Variants in DERA observed in about 807,000 individuals in gnomAD.
The protein encoded by DERA is 2-deoxy-D-ribose 5-phosphate aldolase.
Under a neutral mutation model 41.1 loss-of-function variants are expected in DERA, and 15 were observed. The observed-to-expected ratio is 0.37, with a 90% CI of 0.24 to 0.56. DERA has a LOEUF of 0.56. Among genes scored for constraint, DERA ranks in the 20% least tolerant of loss-of-function variants. The pLI is 0.81. For missense variants in DERA, 396 were observed against 403.4 expected (o/e 0.98, Z 0.16); for synonymous variants, 139 against 137.4 (o/e 1.01, Z -0.08).
chr12:15,939,889 A>G (rs962985032), intron 1 of DERA, among the ~76,000 whole-genome samples: 2 of 152,246 alleles, frequency 1.3e-5, no homozygotes, highest in Admixed American at 6.5e-5. Flanking sequence ...TATTCTGTGT[A>G]TAAATAAAAT....
chr12:15,955,067 A>G (rs142867597), intron 1 of DERA, among the ~76,000 whole-genome samples: 152 of 152,098 alleles, frequency 1.0e-3, no homozygotes, highest in Non-Finnish European at 2.0e-3. Context: ...TAGGAGGGCG[A>G]GGCAGGTAGA....
Position 15,940,506 on chromosome 12 carries a change from C to A in DERA, c.32-16430C>A, listed in dbSNP as rs887075678. Among the ~76,000 whole-genome samples, 6 of 152,110 alleles carry A rather than the reference C, an allele frequency of 3.9e-5. No individual in the cohort carries two copies. The highest frequency in any genetic ancestry group is 5.9e-5 in the Non-Finnish European group (4 of 68,024). ...AGCTGGGACTACAGGCGCATGCCAC[C>A]ACACCTGGCTGATTTTTTGTATTTG... On this transcript the variant is annotated intron_variant, in intron 1 of 8. Transcript: ENST00000428559. The surrounding 1 kb of genome is among the most constrained non-coding windows in gnomAD (Gnocchi z 5.1).
In DERA at chr12:15,911,483, C is replaced by T. The variant is rs1345708592; in HGVS notation, c.31+69C>T. The T allele has an allele frequency of 4.3e-5, 58 of 1,362,646 alleles. No homozygotes were observed. The highest frequency in any genetic ancestry group is 5.1e-5 in the Non-Finnish European group (53 of 1,040,892). The allele number at this position is 1,362,646 out of a possible 1,614,324, so 84.4% of individuals were successfully genotyped here. On this transcript the variant is annotated intron_variant, in intron 1 of 8. Transcript: ENST00000428559. This position sits in a 1 kb window ranked among gnomAD's most constrained non-coding sequence, Gnocchi z 4.5. Reference sequence around the variant, plus strand: ...AGCGCCGCCGGGACTAGCGCGGGGCCTGCTGCCGCCCAGTGCCCTGGCTGT... The same window carrying T: ...AGCGCCGCCGGGACTAGCGCGGGGCTTGCTGCCGCCCAGTGCCCTGGCTGT...
chr12:15,971,641 C>T (rs1220546098), intron 5 of DERA, among the ~76,000 whole-genome samples: 2 of 151,408 alleles, frequency 1.3e-5, no homozygotes, highest in Admixed American at 1.3e-4. Context: ...CTCAGCGTCC[C>T]GAGTAGCTGG....
At position 15,992,460 on chromosome 12, in the gene DERA, G is replaced by A. The variant is rs1565607669; in HGVS notation, c.637+10024G>A. ...GTAAGAATGTGGAGATGGATCTGGA[G>A]GCAAGGAAGAACCAGGGAGAACTTT... On this transcript the variant is annotated intron_variant, in intron 6 of 8. Coordinates refer to ENST00000428559, the MANE Select transcript of DERA (RefSeq NM_015954.4). This position sits in a 1 kb window ranked among gnomAD's most constrained non-coding sequence, Gnocchi z 4.3. Among the ~76,000 whole-genome samples, 1 of 152,072 alleles carries A rather than the reference G, an allele frequency of 6.6e-6. No individual in the cohort carries two copies. The highest frequency in any genetic ancestry group is 1.9e-4 in the East Asian group (1 of 5,200).
chr12:15,927,227 T>C (rs1490527284), intron 1 of DERA, among the ~76,000 whole-genome samples: 1 of 152,244 alleles, frequency 6.6e-6, no homozygotes, highest in Non-Finnish European at 1.5e-5. Context: ...TAGGCTTTTC[T>C]AGGTCCCTGC....
chr12:15,916,443 T>C (rs1413174929), intron 1 of DERA: 1 of 146,914 alleles, frequency 6.8e-6, no homozygotes, highest in Non-Finnish European at 1.5e-5. Context: ...ACCAATACTG[T>C]TTCTTTTTTT....
intron 5 of DERA, among the ~76,000 whole-genome samples, chr12:15,980,548 C>T (rs1053150205): frequency 2.7e-5 from 4 of 150,062 alleles, no homozygotes; most frequent in African/African-American, 9.8e-5. Context: ...TTTTTTTTTT[C>T]GCTCCATAGT....
rs571801024 is a variant in DERA at position 15,992,715 on chromosome 12, G to C, written c.637+10279G>C. On this transcript the variant is annotated intron_variant, in intron 6 of 8. Transcript: ENST00000428559. The surrounding 1 kb of genome is among the most constrained non-coding windows in gnomAD (Gnocchi z 4.3). ...TTACAGAAAAGAGAAGTGTAAAGCA[G>C]GTCAATCTACTGCTAAGGGATTTCA... Among the ~76,000 whole-genome samples, 1 of 152,142 alleles carries C rather than the reference G, an allele frequency of 6.6e-6. No homozygotes were observed. Among genetic ancestry groups the C allele is most frequent in the South Asian group, 2.1e-4 (1 of 4,826 alleles).
At chr12:15,977,544 C>T (rs1948705931) in intron 5 of DERA, among the ~76,000 whole-genome samples, 1 of 152,206 alleles carries the variant, frequency 6.6e-6, no homozygotes, top group African/African-American at 2.4e-5. Flanking sequence ...CCTTCGCCTC[C>T]CAGGTTCAAG....
rs143863395 is a variant in DERA, at chr12:15,965,355, A to G, written c.508+2408A>G. Among the ~76,000 whole-genome samples the G allele has an allele frequency of 8.7e-3, 1,320 of 152,194 alleles. 25 individuals carry two copies. Among genetic ancestry groups the G allele is most frequent in the African/African-American group, 0.03 (1,237 of 41,506 alleles). On this transcript the variant is annotated intron_variant, in intron 5 of 8. Coordinates refer to ENST00000428559, the MANE Select transcript of DERA (RefSeq NM_015954.4). This position sits in a 1 kb window ranked among gnomAD's most constrained non-coding sequence, Gnocchi z 4.1. ...ATGTGCAGGTTTGTTGCATAGGTAA[A>G]CGTGTGCCATGGTGGTTTGCTGCAC...
At chr12:16,031,870 A>T (rs1949094735) in intron 6 of DERA, among the ~76,000 whole-genome samples, 1 of 152,224 alleles carries the variant, frequency 6.6e-6, no homozygotes, top group African/African-American at 2.4e-5. Flanking sequence ...ATCTAGATTC[A>T]TAATGCATGG....
In DERA at chr12:15,931,405, G is replaced by T. The variant is rs1948326907; in HGVS notation, c.31+19991G>T. ...ATTAAATCTTTTCAAAGCACTGAGA[G>T]TTGACTCTTTACCCAACAGGGGGCC... On this transcript the variant is annotated intron_variant, in intron 1 of 8. Transcript: ENST00000428559. This position sits in a 1 kb window ranked among gnomAD's most constrained non-coding sequence, Gnocchi z 4.6. Among the ~76,000 whole-genome samples the T allele has an allele frequency of 6.6e-6, 1 of 152,178 alleles. No homozygotes were observed. Among genetic ancestry groups the T allele is most frequent in the South Asian group, 2.1e-4 (1 of 4,834 alleles).
chr12:16,015,645 A>G (rs752971531), intron 6 of DERA, among the ~76,000 whole-genome samples: 148 of 152,356 alleles, frequency 9.7e-4, no homozygotes, highest in Non-Finnish European at 9.6e-4. Flanking sequence ...TATGGAGTGA[A>G]GTATCATCAA....
intron 1 of DERA, among the ~76,000 whole-genome samples, chr12:15,925,607 C>T (rs192426565): frequency 1.1e-3 from 161 of 152,266 alleles, no homozygotes; most frequent in Middle Eastern, 3.4e-3. Flanking sequence ...TATAACTTAT[C>T]TGTAAATTAT....
chr12:15,952,270 A>G (rs1167655077), intron 1 of DERA, among the ~76,000 whole-genome samples: 1 of 152,188 alleles, frequency 6.6e-6, no homozygotes, highest in Non-Finnish European at 1.5e-5. Flanking sequence ...TGAACTGGAC[A>G]TGGATCTTGG....
In DERA at chr12:15,915,938, T is replaced by G. The variant is rs1238082974; in HGVS notation, c.31+4524T>G. On this transcript the variant is annotated intron_variant, in intron 1 of 8. Transcript: ENST00000428559. The surrounding 1 kb of genome is among the most constrained non-coding windows in gnomAD (Gnocchi z 4.8). ...GTGATTTGGTGCTAATAATGCTACA[T>G]GCTTAAACAACCACACTGTGTCGAC... Among the ~76,000 whole-genome samples, 1 of 152,224 alleles carries G rather than the reference T, an allele frequency of 6.6e-6. No homozygotes were observed. The highest frequency in any genetic ancestry group is 1.5e-5 in the Non-Finnish European group (1 of 68,034).
Position 16,001,830 on chromosome 12 carries a change from C to T in DERA, c.637+19394C>T, listed in dbSNP as rs146796639. Among the ~76,000 whole-genome samples, 5 of 152,298 alleles carry T rather than the reference C, an allele frequency of 3.3e-5. No homozygotes were observed. The highest frequency in any genetic ancestry group is 1.2e-4 in the African/African-American group (5 of 41,566). ...GCACACTAGACGAAGCAGCATTTTGCTGGAGACTTTGTTGAGAATTCAGGT... is the reference window on the plus strand; with the variant it reads ...GCACACTAGACGAAGCAGCATTTTGTTGGAGACTTTGTTGAGAATTCAGGT... On this transcript the variant is annotated intron_variant, in intron 6 of 8. Transcript: ENST00000428559. The surrounding 1 kb of genome is among the most constrained non-coding windows in gnomAD (Gnocchi z 4.1).
intron 1 of DERA, chr12:15,956,652 A>G: frequency 2.1e-6 from 1 of 468,788 alleles, no homozygotes; most frequent in East Asian, 5.7e-5. Flanking sequence ...CTGTGTGATG[A>G]ATCAATACAG....
Sources: gnomAD v4.1 joint callset for allele counts (sites outside exome capture counted in the v4.1 genomes callset) on GRCh38, gnomAD v4.1.1 for gene constraint, Gnocchi (gnomAD v3.1) non-coding constraint, MANE v1.5 for transcripts, NCBI Gene and HGNC (gene_info 2026-07-23, HGNC 2026-07-21) for gene names.